ACSF3: variants seen among roughly 807,000 people sequenced by gnomAD.
ACSF3 encodes the protein acyl-CoA synthetase family member 3, also known as malonate--CoA ligase ACSF3, mitochondrial.
Under a neutral mutation model 53.2 loss-of-function variants are expected in ACSF3, and 78 were observed. The ratio of observed to expected loss-of-function variants is 1.47; its 90% confidence interval spans 1.22 to 1.77. The LOEUF (loss-of-function observed/expected upper bound fraction) is 1.77. ACSF3 is among the 40% of genes most tolerant of loss of function. The pLI is 0.00. For synonymous variants in ACSF3, 414 were observed against 333.1 expected (o/e 1.24, Z -2.65); for missense variants, 937 against 771.1 (o/e 1.22, Z -2.55).
intron 4 of ACSF3, among the ~76,000 whole-genome samples, chr16:89,103,855 T>C (rs1477792833): frequency 6.6e-6 from 1 of 152,190 alleles, no homozygotes; most frequent in Non-Finnish European, 1.5e-5. Context: ...CACAGAGCGC[T>C]GGGGTGGGAG....
rs765097572 is a variant in ACSF3 at position 89,098,128 on chromosome 16, ACAAG to A, written c.-193-459_-193-456del. Among the ~76,000 whole-genome samples, 100 of 152,292 alleles carry A rather than the reference ACAAG, an allele frequency of 6.6e-4. 2 individuals are homozygous for A. The highest frequency in any genetic ancestry group is 3.5e-3 in the South Asian group (17 of 4,820). On this transcript the variant is annotated intron_variant, in intron 1 of 10. Coordinates refer to ENST00000614302, the MANE Select transcript of ACSF3 (RefSeq NM_001243279.3). ...TGGGGAAACCAGACACCCAAATCAA[ACAAG>A]CAAAAACCAAGGCCAGTAGTTGAGG...
rs202119269 is a variant in ACSF3 at position 89,112,205 on chromosome 16, C to T, written c.936C>T (p.His312=). 38 of 1,614,142 alleles carry T rather than the reference C, an allele frequency of 2.4e-5. No homozygotes were observed. In the Admixed American group the frequency reaches 2.7e-4, roughly 11 times the overall value. Residue 312 remains histidine, a synonymous_variant, in exon 5 of 11, where the codon CAC becomes CAT. Coordinates refer to ENST00000614302, the MANE Select transcript of ACSF3 (RefSeq NM_001243279.3). ...EYYDRHFTQP[H]AQDFLRAVCE... is the part of the protein sequence containing the mutation. The stretch of plus-strand genomic sequence containing the variant: ...ACGACAGGCATTTTACCCAGCCGCA[C>T]GCCCAGGATTTCTTGCGTGCAGTTT...
At chr16:89,141,533 G>T (rs1465909663) in intron 8 of ACSF3, among the ~76,000 whole-genome samples, 8 of 152,206 alleles carry the variant, frequency 5.3e-5, no homozygotes, top group Non-Finnish European at 8.8e-5. Context: ...ACCCTGGAGG[G>T]CCCCGGCCTA....
intron 7 of ACSF3, among the ~76,000 whole-genome samples, chr16:89,123,962 A>G (rs1324913394): frequency 6.6e-6 from 1 of 151,900 alleles, no homozygotes; most frequent in Non-Finnish European, 1.5e-5. Context: ...GTGCACACGG[A>G]TAGCACACGT....
At chr16:89,126,600 G>A (rs1036671147) in intron 7 of ACSF3, among the ~76,000 whole-genome samples, 37 of 152,314 alleles carry the variant, frequency 2.4e-4, no homozygotes, top group African/African-American at 8.2e-4. Flanking sequence ...GTTTTCAACT[G>A]TTCATTGCTA....
At position 89,102,651 on chromosome 16, in the gene ACSF3, C is replaced by T. The variant is rs756934667; in HGVS notation, c.714C>T (p.Ile238=). 6.2e-7 allele frequency: 1 copy of T among 1,613,964 alleles called. No homozygotes were observed. The highest frequency in any genetic ancestry group is 8.5e-7 in the Non-Finnish European group (1 of 1,180,042). Residue 238 remains isoleucine, a synonymous_variant, in exon 4 of 11, where the codon ATC becomes ATT. Coordinates refer to ENST00000614302, the MANE Select transcript of ACSF3 (RefSeq NM_001243279.3). The stretch of plus-strand genomic sequence containing the variant: ...GGGCATGGACCAAAGACGACGTGAT[C>T]CTCCACGTGCTCCCGCTGCACCACG... ...HKWAWTKDDV[I]LHVLPLHHVH... is the part of the protein sequence containing the mutation.
At chr16:89,136,225 A>G (rs1567731765) in intron 8 of ACSF3, among the ~76,000 whole-genome samples, 2 of 152,228 alleles carry the variant, frequency 1.3e-5, no homozygotes, top group Non-Finnish European at 2.9e-5. Context: ...GAGCGTGGAA[A>G]CACTCGCAGT....
intron 2 of ACSF3, among the ~76,000 whole-genome samples, chr16:89,099,756 T>G (rs1012675993): frequency 6.6e-6 from 1 of 151,520 alleles, no homozygotes; most frequent in Non-Finnish European, 1.5e-5. Context: ...TACTCCAGCC[T>G]GGGTGACAGA....
At chr16:89,124,510 ATGC>A (rs1453946021) in intron 7 of ACSF3, among the ~76,000 whole-genome samples, 1 of 151,442 alleles carries the variant, frequency 6.6e-6, no homozygotes, top group Non-Finnish European at 1.5e-5. Context: ...ACCTGTGCAC[ATGC>A]TGCATGTATG....
chr16:89,120,708 G>C, intron 6 of ACSF3, 93 bp from the exon 7 acceptor site: 1 of 1,232,494 alleles, frequency 8.1e-7, no homozygotes, highest in Middle Eastern at 1.9e-4. Flanking sequence ...CGTGGCACAC[G>C]GGAGCTCAGC....
chr16:89,136,347 G>GT (rs1404595795), intron 8 of ACSF3, among the ~76,000 whole-genome samples: 1 of 152,196 alleles, frequency 6.6e-6, no homozygotes, highest in Admixed American at 6.5e-5. Flanking sequence ...TCATTGTAAT[G>GT]TGCTGCAAAC....
At chr16:89,136,586 G>A in intron 8 of ACSF3, 1 of 1,282,228 alleles carries the variant, frequency 7.8e-7, no homozygotes, top group Non-Finnish European at 1.0e-6. Context: ...TAAGCCGGCG[G>A]GCACAGGGGA....
intron 6 of ACSF3, among the ~76,000 whole-genome samples, chr16:89,120,125 G>C (rs1177182860): frequency 6.6e-6 from 1 of 152,244 alleles, no homozygotes; most frequent in Non-Finnish European, 1.5e-5. Context: ...CCCTGCGTGT[G>C]CCGGCGGGAC....
At chr16:89,114,526 T>A in intron 6 of ACSF3, 39 bp downstream of exon 6, 1 of 1,606,726 alleles carries the variant, frequency 6.2e-7, no homozygotes, top group Non-Finnish European at 8.5e-7. Flanking sequence ...TCTTCCACTG[T>A]GCTCTGAGCC....
intron 8 of ACSF3, among the ~76,000 whole-genome samples, chr16:89,134,244 T>C (rs369981989): frequency 2.6e-4 from 39 of 152,006 alleles, no homozygotes; most frequent in African/African-American, 8.7e-4. Context: ...CCTTATGGAT[T>C]CCAAGGAATG....
At chr16:89,110,254 GT>G (rs1246960741) in intron 4 of ACSF3, among the ~76,000 whole-genome samples, 2 of 152,280 alleles carry the variant, frequency 1.3e-5, no homozygotes, top group African/African-American at 4.8e-5. Flanking sequence ...ATTCCCTTTT[GT>G]TTTTTCTTAG....
At chr16:89,112,272 G>T in intron 5 of ACSF3, 26 bp downstream of exon 5, 2 of 1,612,646 alleles carry the variant, frequency 1.2e-6, no homozygotes, top group South Asian at 1.1e-5. Context: ...CCACTTTCTC[G>T]TTCAGAAAGT....
At chr16:89,114,001 T>A (rs970038654) in intron 5 of ACSF3, 2 of 380,008 alleles carry the variant, frequency 5.3e-6, no homozygotes, top group African/African-American at 4.2e-5. Context: ...CGGTCACTGC[T>A]GTTCTTGAGC....
At chr16:89,107,525 G>A (rs778633713) in intron 4 of ACSF3, among the ~76,000 whole-genome samples, 1 of 152,206 alleles carries the variant, frequency 6.6e-6, no homozygotes, top group Admixed American at 6.5e-5. Flanking sequence ...CTGTGCTGTT[G>A]ATCTGTGTGT....
Sources: gnomAD v4.1 joint callset for allele counts (sites outside exome capture counted in the v4.1 genomes callset) on GRCh38, gnomAD v4.1.1 for gene constraint, MANE v1.5 for transcripts, NCBI Gene and HGNC (gene_info 2026-07-23, HGNC 2026-07-21) for gene names.